The following MARCHF10 variants were observed in gnomAD, a reference collection of about 807,000 sequenced individuals.
MARCHF10 encodes probable E3 ubiquitin-protein ligase MARCHF10.
Under a neutral mutation model 76.2 loss-of-function variants are expected in MARCHF10, and 64 were observed. The observed-to-expected ratio is 0.84, with a 90% CI of 0.69 to 1.03. MARCHF10 has a LOEUF of 1.03. Among genes scored for constraint, MARCHF10 ranks in the 50% least tolerant of loss-of-function variants. MARCHF10 has a pLI of 0.00. For synonymous variants in MARCHF10, 340 were observed against 357.5 expected, an observed-to-expected ratio of 0.95 and a Z score of 0.55; for missense variants, 875 against 958.0, an observed-to-expected ratio of 0.91 and a Z score of 1.14.
intron 5 of MARCHF10, among the ~76,000 whole-genome samples, chr17:62,744,082 G>T (rs183453369): frequency 3.3e-5 from 5 of 152,226 alleles, no homozygotes; most frequent in Admixed American, 3.3e-4. Context: ...CTCTGGAGCA[G>T]CTGTACAGCT....
At chr17:62,734,579 C>T (rs969471836) in intron 6 of MARCHF10, among the ~76,000 whole-genome samples, 2 of 152,082 alleles carry the variant, frequency 1.3e-5, no homozygotes, top group Non-Finnish European at 2.9e-5. Flanking sequence ...TCAACAGATA[C>T]TCACTAAAAA....
intron 6 of MARCHF10, among the ~76,000 whole-genome samples, chr17:62,730,104 C>A (rs2090957931): frequency 6.6e-6 from 1 of 152,118 alleles, no homozygotes. Flanking sequence ...ATCGCTTGAA[C>A]CTGAGTGAGT....
At chr17:62,768,319 C>T (rs2092379282) in intron 3 of MARCHF10, among the ~76,000 whole-genome samples, 1 of 152,122 alleles carries the variant, frequency 6.6e-6, no homozygotes, top group Non-Finnish European at 1.5e-5. Context: ...AAGTTTGAGA[C>T]CAGCCTGGCC....
At chr17:62,801,563 TATC>T in intron 2 of MARCHF10, 80 bp downstream of exon 2, 1 of 1,256,752 alleles carries the variant, frequency 8.0e-7, no homozygotes, top group Non-Finnish European at 1.2e-6. Flanking sequence ...TTTTACTGCT[TATC>T]ATACGTTGAT....
At chr17:62,716,251 C>T (rs541813767) in intron 8 of MARCHF10, among the ~76,000 whole-genome samples, 3 of 152,172 alleles carry the variant, frequency 2.0e-5, no homozygotes, top group Admixed American at 6.5e-5. Context: ...GCAGCATTTT[C>T]GGCACAGTAT....
At chr17:62,775,518 G>A (rs924748889) in intron 3 of MARCHF10, among the ~76,000 whole-genome samples, 8 of 151,818 alleles carry the variant, frequency 5.3e-5, no homozygotes, top group African/African-American at 1.7e-4. Context: ...GGGGGGGGGC[G>A]TGGCTTATTA....
At chr17:62,789,056 C>G (rs954050808) in intron 2 of MARCHF10, among the ~76,000 whole-genome samples, 32 of 105,882 alleles carry the variant, frequency 3.0e-4, no homozygotes, top group African/African-American at 1.2e-3. Context: ...GGCGACAGAG[C>G]GAGACTCCGT....
intron 2 of MARCHF10, among the ~76,000 whole-genome samples, chr17:62,789,898 C>T (rs1419356777): frequency 6.6e-6 from 1 of 152,126 alleles, no homozygotes; most frequent in Non-Finnish European, 1.5e-5. Context: ...AGTGCCACTG[C>T]ATTCCAGCCT....
chr17:62,764,108 A>G (rs749411543), intron 3 of MARCHF10, among the ~76,000 whole-genome samples: 12 of 152,334 alleles, frequency 7.9e-5, no homozygotes, highest in Admixed American at 7.8e-4. Context: ...CTCCTCGGGA[A>G]TGTGAGAATG....
chr17:62,778,296 G>A (rs934068902), intron 3 of MARCHF10, among the ~76,000 whole-genome samples: 2 of 152,180 alleles, frequency 1.3e-5, no homozygotes, highest in Non-Finnish European at 2.9e-5. Context: ...GGTACCTTGC[G>A]AAGGTATCTG....
intron 4 of MARCHF10, among the ~76,000 whole-genome samples, chr17:62,746,605 C>T (rs1261007177): frequency 6.6e-6 from 1 of 152,098 alleles, no homozygotes; most frequent in East Asian, 1.9e-4. Flanking sequence ...CCTCAGACCC[C>T]CTCAGTTCTC....
chr17:62,744,669 C>G, intron 4 of MARCHF10, 141 bp from the exon 5 acceptor site: 1 of 814,340 alleles, frequency 1.2e-6, no homozygotes, highest in East Asian at 2.7e-5. Flanking sequence ...CAGGAGGTCA[C>G]AGAAGAGCTG....
intron 6 of MARCHF10, among the ~76,000 whole-genome samples, chr17:62,725,312 G>A (rs955481220): frequency 5.3e-5 from 8 of 152,074 alleles, no homozygotes; most frequent in Non-Finnish European, 1.0e-4. Flanking sequence ...TGCCCAGGCC[G>A]GAGTGCAGTG....
At chr17:62,740,380 T>C (rs1432129315) in intron 5 of MARCHF10, among the ~76,000 whole-genome samples, 1 of 152,190 alleles carries the variant, frequency 6.6e-6, no homozygotes, top group Non-Finnish European at 1.5e-5. Context: ...CTTAAGACTA[T>C]GCCTTCGACT....
At chr17:62,720,860 A>ATTTTTTTTTT (rs56688878) in intron 8 of MARCHF10, among the ~76,000 whole-genome samples, 1 of 88,038 alleles carries the variant, frequency 1.1e-5, no homozygotes, top group African/African-American at 4.5e-5. Flanking sequence ...GTAAGTTGTG[A>ATTTTTTTTTT]TTTTTTTTTT....
chr17:62,746,696 G>A (rs1269350650), intron 4 of MARCHF10, among the ~76,000 whole-genome samples: 1 of 152,178 alleles, frequency 6.6e-6, no homozygotes, highest in Non-Finnish European at 1.5e-5. Flanking sequence ...GCAGGCGTGG[G>A]GCTCAGGCCA....
intron 4 of MARCHF10, among the ~76,000 whole-genome samples, chr17:62,751,772 G>C (rs2147904913): frequency 6.6e-6 from 1 of 152,302 alleles, no homozygotes; most frequent in East Asian, 1.9e-4. Context: ...TGTAATCCCA[G>C]CACTTTGGGA....
At chr17:62,797,861 T>C (rs1014424263) in intron 2 of MARCHF10, among the ~76,000 whole-genome samples, 2 of 152,130 alleles carry the variant, frequency 1.3e-5, no homozygotes, top group Admixed American at 6.5e-5. Context: ...GTTGGAACCA[T>C]GGGGTGGCAA....
intron 1 of MARCHF10, among the ~76,000 whole-genome samples, chr17:62,802,479 C>G (rs1270989060): frequency 6.6e-6 from 1 of 152,114 alleles, no homozygotes; most frequent in Non-Finnish European, 1.5e-5. Context: ...CTCAGCCTCC[C>G]GAAGTGCTGG....
Sources: gnomAD v4.1 joint callset for allele counts (sites outside exome capture counted in the v4.1 genomes callset) on GRCh38, gnomAD v4.1.1 for gene constraint, MANE v1.5 for transcripts, NCBI Gene and HGNC (gene_info 2026-07-23, HGNC 2026-07-21) for gene names.